The following MED1 variants were observed in gnomAD, a reference collection of about 807,000 sequenced individuals.
MED1 encodes the protein mediator complex subunit 1, also known as mediator of RNA polymerase II transcription subunit 1.
In MED1, 17 loss-of-function variants were observed where a neutral mutation model predicts 121.3. The ratio of observed to expected loss-of-function variants is 0.14; its 90% CI spans 0.10 to 0.21. The LOEUF (loss-of-function observed/expected upper bound fraction) is 0.21, where lower values mean the gene tolerates loss of function less well. MED1 is among the 10% of genes least tolerant of loss of function. The pLI is 1.00. For missense variants in MED1, 1,558 were observed against 1,919.4 expected (o/e 0.81, Z 3.52); for synonymous variants, 661 against 694.4 (o/e 0.95, Z 0.76).
At chr17:39,420,543 G>A (rs1001348886) in intron 13 of MED1, among the ~76,000 whole-genome samples, 1 of 151,904 alleles carries the variant, frequency 6.6e-6, no homozygotes, top group Non-Finnish European at 1.5e-5. Flanking sequence ...TAATAATAAT[G>A]CAGCCAGAAT....
intron 2 of MED1, among the ~76,000 whole-genome samples, chr17:39,447,592 C>A (rs1003139154): frequency 1.3e-5 from 2 of 152,036 alleles, no homozygotes; most frequent in African/African-American, 2.4e-5. Flanking sequence ...CCAAAACAAT[C>A]CAAAATCTAA....
At chr17:39,429,094 A>G in intron 9 of MED1, among the ~76,000 whole-genome samples, 1 of 150,976 alleles carries the variant, frequency 6.6e-6, no homozygotes, top group Non-Finnish European at 1.5e-5. Context: ...CTGAGGCTGG[A>G]GGATCACTTG....
At chr17:39,446,656 C>G (rs1192961482) in intron 2 of MED1, among the ~76,000 whole-genome samples, 2 of 151,494 alleles carry the variant, frequency 1.3e-5, no homozygotes, top group Non-Finnish European at 1.5e-5. Context: ...TGCCTGTAGT[C>G]CCGGCTACTC....
Position 39,406,630 on chromosome 17 carries a change from T to C in MED1, c.*845A>G, listed in dbSNP as rs1339903534. Reference sequence around the variant, plus strand: ...CTCCACAGAGAGGTAACTCCTAATATTCCTATGATCTCTGAACCCTATTTA... The same window carrying C: ...CTCCACAGAGAGGTAACTCCTAATACTCCTATGATCTCTGAACCCTATTTA... On this transcript the variant is annotated 3_prime_UTR_variant, in exon 17 of 17. Coordinates refer to ENST00000300651, the MANE Select transcript of MED1 (RefSeq NM_004774.4). The C allele has an allele frequency of 1.0e-6, 1 of 984,528 alleles. No homozygotes were observed. The highest frequency in any genetic ancestry group is 1.2e-6 in the Non-Finnish European group (1 of 829,374). 61.0% of individuals were successfully genotyped at this position (984,528 alleles called of 1,614,324 possible).
intron 2 of MED1, among the ~76,000 whole-genome samples, chr17:39,446,458 A>AAG (rs2048728553): frequency 6.7e-6 from 1 of 149,468 alleles, no homozygotes; most frequent in African/African-American, 2.5e-5. Context: ...TCAAAAAAAA[A>AAG]AAAAAAAAAA....
intron 16 of MED1, among the ~76,000 whole-genome samples, chr17:39,412,533 C>CTTTTTTTTTTTTTTTTTTTTTT (rs1170139893): frequency 9.8e-6 from 1 of 102,290 alleles, no homozygotes. Context: ...GCAAATTTTT[C>CTTTTTTTTTTTTTTTTTTTTTT]TTTTTTTTTT....
rs1278771287 is a variant in MED1, at chr17:39,409,755, G to C, written c.2466C>G (p.Asp822Glu). The change falls in exon 17 of 17, where the codon GAC becomes GAG. Residue 822 changes from aspartate to glutamate, a missense_variant. This residue lies in a region of MED1 where 793 missense variants were observed against 898.2 expected (regional missense o/e 0.88). Coordinates refer to ENST00000300651, the MANE Select transcript of MED1 (RefSeq NM_004774.4). ...TATTGTTAGTTTGAAAGACATCAGA[G>C]TCAAACAGGGTACTCTGAGAATGCC... is the stretch of plus-strand genomic sequence containing the variant. ...SSGHSQSTLF[D>E]SDVFQTNNNE... 1.2e-6 allele frequency: 2 copies of C among 1,614,026 alleles called. No individual in the cohort carries two copies. Among genetic ancestry groups the C allele is most frequent in the Non-Finnish European group, 1.7e-6 (2 of 1,180,010 alleles).
Position 39,434,302 on chromosome 17 carries a change from T to C in MED1, c.447A>G (p.Glu149=). Residue 149 remains glutamate (E), a synonymous_variant, in exon 7 of 17, where the codon GAA becomes GAG. Coordinates refer to ENST00000300651, the MANE Select transcript of MED1 (RefSeq NM_004774.4). The part of the protein sequence containing the change: ...VQQLREKNFD[E]FSKHLKGLVN... ...CAAGGCCCTTAAGGTGCTTAGAAAA[T>C]TCATCAAAATTTTTTTCCCTATAAG... is the stretch of plus-strand genomic sequence containing the variant. 6.4e-7 allele frequency: 1 copy of C among 1,565,186 alleles called. No individual in the cohort carries two copies. Among genetic ancestry groups the C allele is most frequent in the South Asian group, 1.2e-5 (1 of 83,146 alleles).
intron 16 of MED1, among the ~76,000 whole-genome samples, chr17:39,411,135 A>G (rs2048351824): frequency 6.6e-6 from 1 of 152,022 alleles, no homozygotes; most frequent in African/African-American, 2.4e-5. Context: ...CCTGGCCAAC[A>G]TGGTGAAACC....
chr17:39,412,547 T>C (rs1337722334), intron 16 of MED1, among the ~76,000 whole-genome samples: 1 of 149,702 alleles, frequency 6.7e-6, no homozygotes, highest in East Asian at 1.9e-4. Flanking sequence ...TTTTTTTTTT[T>C]TTTTTCTTTG....
At chr17:39,442,844 G>A (rs1466504139) in intron 3 of MED1, among the ~76,000 whole-genome samples, 1 of 141,266 alleles carries the variant, frequency 7.1e-6, no homozygotes, top group Admixed American at 7.3e-5. Flanking sequence ...GGCAGAGGTT[G>A]TGGTGAGCCG....
chr17:39,448,544 G>GT, intron 1 of MED1, among the ~76,000 whole-genome samples: 1 of 133,922 alleles, frequency 7.5e-6, no homozygotes, highest in South Asian at 2.3e-4. Context: ...GGGAGACATT[G>GT]TGTCAAAAAA....
Position 39,407,704 on chromosome 17 carries a change from T to G in MED1, c.4517A>C (p.Lys1506Thr), listed in dbSNP as rs1452509309. ...KHKKHKKEKK[K>T]VKDKDRDRDR... The stretch of plus-strand genomic sequence containing the variant: ...TCGGTCCCTATCTTTGTCTTTTACT[T>G]TCTTCTTTTCCTTTTTGTGCTTCTT... The change falls in exon 17 of 17, where the codon AAA (lysine) becomes ACA (threonine). Residue 1506 changes from lysine to threonine, a missense_variant. Coordinates refer to ENST00000300651, the MANE Select transcript of MED1 (RefSeq NM_004774.4). The G allele has an allele frequency of 5.0e-6, 8 of 1,614,006 alleles. No homozygotes were observed. In the Admixed American group the frequency reaches 1.3e-4, roughly 27 times the overall value.
chr17:39,449,221 C>T (rs2048758362), intron 1 of MED1, among the ~76,000 whole-genome samples: 1 of 152,110 alleles, frequency 6.6e-6, no homozygotes. Flanking sequence ...CGCTCTGTCG[C>T]CCAGGTTACA....
At chr17:39,420,197 CTTTTTTTTT>C (rs751616356) in intron 13 of MED1, among the ~76,000 whole-genome samples, 5 of 132,702 alleles carry the variant, frequency 3.8e-5, no homozygotes, top group African/African-American at 1.1e-4. Context: ...TGCAAAATCT[CTTTTTTTTT>C]TTTTTTTTTT....
intron 8 of MED1, 36 bp downstream of exon 8, chr17:39,431,906 A>G: frequency 6.9e-7 from 1 of 1,456,378 alleles, no homozygotes; most frequent in Non-Finnish European, 9.6e-7. Flanking sequence ...GAAAAACTCA[A>G]GGGATCATGT....
Position 39,406,631 on chromosome 17 carries a change from T to C in MED1, c.*844A>G. 2 of 984,628 alleles carry C rather than the reference T, an allele frequency of 2.0e-6. No homozygotes were observed. The highest frequency in any genetic ancestry group is 2.4e-6 in the Non-Finnish European group (2 of 829,358). The allele number at this position is 984,628 out of a possible 1,614,324, so 61.0% of individuals were successfully genotyped here. A position where few individuals can be genotyped will look rare whatever the true frequency, so the allele number is the denominator to read the frequency against. Reference sequence around the variant, plus strand: ...TCCACAGAGAGGTAACTCCTAATATTCCTATGATCTCTGAACCCTATTTAA... The same window carrying C: ...TCCACAGAGAGGTAACTCCTAATATCCCTATGATCTCTGAACCCTATTTAA... On this transcript the variant is annotated 3_prime_UTR_variant, in exon 17 of 17. Coordinates refer to ENST00000300651, the MANE Select transcript of MED1 (RefSeq NM_004774.4).
chr17:39,438,208 G>A (rs556105971), intron 6 of MED1, among the ~76,000 whole-genome samples: 9 of 149,830 alleles, frequency 6.0e-5, no homozygotes, highest in Non-Finnish European at 1.3e-4. Flanking sequence ...GTCTTGCTCT[G>A]TCACCCAGGC....
Position 39,440,574 on chromosome 17 carries a change from C to A in MED1, c.266+49G>T. The A allele has an allele frequency of 6.2e-7, 1 of 1,612,098 alleles. No individual in the cohort carries two copies. Among genetic ancestry groups the A allele is most frequent in the Non-Finnish European group, 8.5e-7 (1 of 1,179,060 alleles). On this transcript the variant is annotated intron_variant, in intron 4 of 16. Coordinates refer to ENST00000300651, the MANE Select transcript of MED1 (RefSeq NM_004774.4). This position sits in a 1 kb window ranked among gnomAD's most constrained non-coding sequence, Gnocchi z 4.1. The stretch of plus-strand genomic sequence containing the variant: ...TAGAAGACACATAAATAAAGCCACC[C>A]AAAGTTAACACTAAGTTAAACATTT...
Sources: allele counts gnomAD v4.1 joint callset (sites outside exome capture counted in the v4.1 genomes callset), GRCh38; gene constraint gnomAD v4.1.1; regional missense constraint gnomAD v4.1.1; non-coding constraint Gnocchi (gnomAD v3.1); transcripts MANE v1.5; gene names NCBI Gene and HGNC (gene_info 2026-07-23, HGNC 2026-07-21).